MCF2L: variants seen among roughly 807,000 people sequenced by gnomAD.
MCF2L encodes the protein MCF.2 cell line derived transforming sequence like.
A neutral mutation model predicts 153.4 loss-of-function variants in MCF2L; 97 were observed. That is an observed-to-expected ratio of 0.63 (90% CI 0.54 to 0.75). MCF2L has a LOEUF of 0.75. MCF2L is among the 30% of genes least tolerant of loss of function. The pLI, the probability that MCF2L is intolerant of heterozygous loss-of-function variation, is 0.00. For missense variants in MCF2L, 1,347 were observed against 1,495.2 expected (o/e 0.90, Z 1.64); for synonymous variants, 659 against 632.2 (o/e 1.04, Z -0.64).
At chr13:113,067,255 C>A (rs1313255957) in intron 8 of MCF2L, among the ~76,000 whole-genome samples, 10 of 150,756 alleles carry the variant, frequency 6.6e-5, no homozygotes, top group Non-Finnish European at 8.9e-5. Context: ...GGGTGGTGCA[C>A]AGCTGGAGTC....
rs993731492 is a variant in MCF2L at position 113,027,359 on chromosome 13, G to T, written c.278+2601G>T. ...AGCGGTGGGCACCTCTGTCCACTTG[G>T]CGGGTTGAGGTGGGAGCTGGAGGAG... On this transcript the variant is annotated intron_variant, in intron 3 of 29. Transcript: ENST00000535094. This position sits in a 1 kb window ranked among gnomAD's most constrained non-coding sequence, Gnocchi z 4.8. Among the ~76,000 whole-genome samples the T allele has an allele frequency of 6.6e-6, 1 of 152,010 alleles. No individual in the cohort carries two copies. The highest frequency in any genetic ancestry group is 2.4e-5 in the African/African-American group (1 of 41,352).
upstream of MCF2L, chr13:112,968,426 CTGCGTGTGTCGAGTGCACAG>C: frequency 6.3e-7 from 1 of 1,577,294 alleles, no homozygotes; most frequent in Non-Finnish European, 8.5e-7. Flanking sequence ...AGCCAGGACG[CTGCGTGTGTCGAGTGCACAG>C]TGTGGCTTGG....
chr13:113,067,142 C>T (rs987943464), intron 8 of MCF2L, among the ~76,000 whole-genome samples: 1 of 152,278 alleles, frequency 6.6e-6, no homozygotes, highest in Non-Finnish European at 1.5e-5. Flanking sequence ...GACGCTGATC[C>T]GTGCACACGC....
chr13:113,050,272 GAGAC>G (rs2087138230), intron 4 of MCF2L, among the ~76,000 whole-genome samples: 1 of 93,978 alleles, frequency 1.1e-5, no homozygotes, highest in Non-Finnish European at 2.1e-5. Flanking sequence ...GAATGTGTGT[GAGAC>G]TGTGAGTGTG....
At chr13:112,986,591 T>A (rs1000199199) in intron 1 of MCF2L, among the ~76,000 whole-genome samples, 1 of 152,054 alleles carries the variant, frequency 6.6e-6, no homozygotes, top group African/African-American at 2.4e-5. Context: ...GGACAGGCGG[T>A]CCCCTGGGCC....
At chr13:112,974,361 C>T (rs1566675727) in intron 1 of MCF2L, among the ~76,000 whole-genome samples, 1 of 152,006 alleles carries the variant, frequency 6.6e-6, no homozygotes, top group East Asian at 1.9e-4. Flanking sequence ...CTGCAAAGCC[C>T]CTGGCATGGC....
At chr13:113,049,817 G>C (rs1303085072) in intron 4 of MCF2L, among the ~76,000 whole-genome samples, 1 of 152,220 alleles carries the variant, frequency 6.6e-6, no homozygotes, top group East Asian at 1.9e-4. Flanking sequence ...CACCATATGT[G>C]CTGTCTTAAG....
rs1195232281 is a variant in MCF2L, at chr13:113,031,183, GAGACAGAGAGACAGAGAC to G, written c.278+6435_278+6452del. Among the ~76,000 whole-genome samples, 5 of 147,962 alleles carry G rather than the reference GAGACAGAGAGACAGAGAC, an allele frequency of 3.4e-5. No homozygotes were observed. The highest frequency in any genetic ancestry group is 1.3e-4 in the African/African-American group (5 of 39,224). On this transcript the variant is annotated intron_variant, in intron 3 of 29. Transcript: ENST00000535094. This position sits in a 1 kb window ranked among gnomAD's most constrained non-coding sequence, Gnocchi z 5.5. ...GAGAAGAGACAGAGAGTGACAGACA[GAGACAGAGAGACAGAGAC>G]AGACAGAGACAGAGACAGAGAGAGA... is the stretch of plus-strand genomic sequence containing the variant.
At position 113,093,066 on chromosome 13, in the gene MCF2L, TGGCCAGA is replaced by T. The variant is rs1480880144; in HGVS notation, c.2954-1443_2954-1437del. Reference sequence around the variant, plus strand: ...CCTCAATCAGACTTTTGGTTCTGTCTGGCCAGAGGCCCCACGTGCGGTGCCTCAGAGC... The same window carrying T: ...CCTCAATCAGACTTTTGGTTCTGTCTGGCCCCACGTGCGGTGCCTCAGAGC... On this transcript the variant is annotated intron_variant, in intron 26 of 29. Coordinates refer to ENST00000535094, the MANE Select transcript of MCF2L (RefSeq NM_001112732.3). Among the ~76,000 whole-genome samples the T allele has an allele frequency of 3.9e-5, 6 of 152,238 alleles. 1 individual carries two copies. Among genetic ancestry groups the T allele is most frequent in the Admixed American group, 3.3e-4 (5 of 15,290 alleles).
intron 3 of MCF2L, among the ~76,000 whole-genome samples, chr13:113,039,151 G>A (rs775563181): frequency 3.9e-5 from 6 of 152,154 alleles, no homozygotes; most frequent in Admixed American, 6.5e-5. Context: ...GAGCCACCGC[G>A]CCCGGCCATT....
chr13:112,917,186 C>T lies in MCF2L; in HGVS notation c.169+14815C>T, dbSNP rs544942045. On this transcript the variant is annotated intron_variant, in intron 2 of 29. Transcript: ENST00000375608. The stretch of plus-strand genomic sequence containing the variant: ...TGATTCCTAGTCCACAGCTCCAGTC[C>T]GGACCCCTCCCCCGGGCACTGCACC... 78 of 471,192 alleles carry T rather than the reference C, an allele frequency of 1.7e-4. 1 individual carries two copies. The highest frequency in any genetic ancestry group is 9.0e-4 in the African/African-American group (45 of 50,216). The allele number at this position is 471,192 out of a possible 1,614,324, so 29.2% of individuals were successfully genotyped here. A position where few individuals can be genotyped will look rare whatever the true frequency, so the allele number is the denominator to read the frequency against.
In MCF2L at chr13:113,045,484, C is replaced by T; in HGVS notation, c.369+123C>T. 3.3e-6 allele frequency: 3 copies of T among 896,270 alleles called. No individual in the cohort carries two copies. Among genetic ancestry groups the T allele is most frequent in the African/African-American group, 3.3e-5 (2 of 60,714 alleles). 55.5% of individuals were successfully genotyped at this position (896,270 alleles called of 1,614,324 possible). A position where few individuals can be genotyped will look rare whatever the true frequency, so the allele number is the denominator to read the frequency against. ...GTGCTGAGTGGGACAGAGCCCAGTC[C>T]CGGCGGGTGGAGGCCGGCGCCAAGG... On this transcript the variant is annotated intron_variant, in intron 4 of 29. Transcript: ENST00000535094. This position sits in a 1 kb window ranked among gnomAD's most constrained non-coding sequence, Gnocchi z 4.2.
At position 113,082,596 on chromosome 13, in the gene MCF2L, G is replaced by A. The variant is rs78339639; in HGVS notation, c.1991+54G>A. 394 of 1,325,480 alleles carry A rather than the reference G, an allele frequency of 3.0e-4. No homozygotes were observed. The African/African-American group carries it at 5.3e-3, about 18-fold the overall frequency. 82.1% of individuals were successfully genotyped at this position (1,325,480 alleles called of 1,614,324 possible). ...CACCCGTGATCTCTTGCAGCTAATG[G>A]TGCTGGCTTCAGGGGGCTGGAATGG... On this transcript the variant is annotated intron_variant, in intron 17 of 29. Coordinates refer to ENST00000535094, the MANE Select transcript of MCF2L (RefSeq NM_001112732.3).
At chr13:113,058,312 T>C (rs1050239456) in intron 4 of MCF2L, among the ~76,000 whole-genome samples, 1 of 145,196 alleles carries the variant, frequency 6.9e-6, no homozygotes, top group Non-Finnish European at 1.5e-5. Context: ...CGTTGAGTGT[T>C]CGGGCACTTT....
chr13:113,050,938 C>A lies in MCF2L; in HGVS notation c.369+5577C>A, dbSNP rs115427618. On this transcript the variant is annotated intron_variant, in intron 4 of 29. Transcript: ENST00000535094. ...CAGCTGGCTGCCGAGGGAGAGAGGG[C>A]CAGGTCCGTGTGCCCCTCTCGGAAG... Among the ~76,000 whole-genome samples, 414 of 152,122 alleles carry A rather than the reference C, an allele frequency of 2.7e-3. 5 individuals carry two copies. Among genetic ancestry groups the A allele is most frequent in the African/African-American group, 9.6e-3 (399 of 41,508 alleles).
At chr13:112,980,751 G>A (rs546706926) in intron 1 of MCF2L, among the ~76,000 whole-genome samples, 1 of 152,146 alleles carries the variant, frequency 6.6e-6, no homozygotes, top group East Asian at 1.9e-4. Flanking sequence ...GTGGGTGCAA[G>A]TACCCCAGGG....
rs1257276713 is a variant in MCF2L, at chr13:113,028,618, TG to T, written c.278+3861del. Among the ~76,000 whole-genome samples, 1 of 152,252 alleles carries T rather than the reference TG, an allele frequency of 6.6e-6. No individual in the cohort carries two copies. The highest frequency in any genetic ancestry group is 1.5e-5 in the Non-Finnish European group (1 of 68,046). ...GCTCCATGGATCCCCACTGTTCACC[TG>T]TGTATGGAAACTCAGGTTTTCTGGT... is the stretch of plus-strand genomic sequence containing the variant. On this transcript the variant is annotated intron_variant, in intron 3 of 29. Transcript: ENST00000535094. The surrounding 1 kb of genome is among the most constrained non-coding windows in gnomAD (Gnocchi z 5.4).
intron 2 of MCF2L, among the ~76,000 whole-genome samples, chr13:112,963,204 G>T (rs1048579832): frequency 6.6e-6 from 1 of 152,204 alleles, no homozygotes; most frequent in Non-Finnish European, 1.5e-5. Context: ...AGGGAATGCC[G>T]CTGTCTCTTC....
At position 113,001,596 on chromosome 13, in the gene MCF2L, G is replaced by T. The variant is rs1395324327; in HGVS notation, c.80-13167G>T. On this transcript the variant is annotated intron_variant, in intron 1 of 29. Transcript: ENST00000535094. ...GGAGTGTGGGGCCCCTGCAGGGAGG[G>T]TCTAGACAAGCAACACCAGGAACCT... 2.1e-5 allele frequency: 20 copies of T among 949,098 alleles called. No individual in the cohort carries two copies. In the Admixed American group the frequency reaches 7.7e-4, roughly 37 times the overall value. 58.8% of individuals were successfully genotyped at this position (949,098 alleles called of 1,614,324 possible). A position where few individuals can be genotyped will look rare whatever the true frequency, so the allele number is the denominator to read the frequency against.
Sources: allele counts gnomAD v4.1 joint callset (sites outside exome capture counted in the v4.1 genomes callset), GRCh38; gene constraint gnomAD v4.1.1; non-coding constraint Gnocchi (gnomAD v3.1); transcripts MANE v1.5; gene names NCBI Gene and HGNC (gene_info 2026-07-23, HGNC 2026-07-21).